ZNF536: variants seen among roughly 807,000 people sequenced by gnomAD.
ZNF536 encodes zinc finger protein 536.
In ZNF536, 13 loss-of-function variants were observed where a neutral mutation model predicts 84.5. The ratio of observed to expected loss-of-function variants is 0.15; its 90% CI spans 0.10 to 0.24. ZNF536 has a LOEUF of 0.24. ZNF536 is among the 10% of genes least tolerant of loss of function. ZNF536 has a pLI of 1.00. For synonymous variants in ZNF536, 811 were observed against 742.5 expected, an observed-to-expected ratio of 1.09 and a Z score of -1.50; for missense variants, 1,536 against 1,747.5, an observed-to-expected ratio of 0.88 and a Z score of 2.16.
At chr19:30,686,643 C>T (rs776629585) in intron 1 of ZNF536, among the ~76,000 whole-genome samples, 13 of 152,166 alleles carry the variant, frequency 8.5e-5, no homozygotes, top group Admixed American at 2.6e-4. Flanking sequence ...GGGAAGGAGC[C>T]CGCCGGCTCC....
intron 1 of ZNF536, among the ~76,000 whole-genome samples, chr19:30,709,324 C>T (rs958283304): frequency 4.6e-5 from 7 of 152,160 alleles, no homozygotes; most frequent in Non-Finnish European, 8.8e-5. Flanking sequence ...CGACAACTTT[C>T]GCTGCTGCCC....
chr19:30,510,825 C>T (rs541571621), intron 2 of ZNF536, among the ~76,000 whole-genome samples: 6 of 152,240 alleles, frequency 3.9e-5, no homozygotes, highest in African/African-American at 1.2e-4. Flanking sequence ...CTTTGAATGC[C>T]GTCACATCAG....
At chr19:30,607,315 T>C (rs1232371795) in intron 1 of ZNF536, among the ~76,000 whole-genome samples, 1 of 152,232 alleles carries the variant, frequency 6.6e-6, no homozygotes, top group African/African-American at 2.4e-5. Context: ...AGGCTTTCTA[T>C]TGACATTTTG....
At chr19:30,359,034 G>A (rs974950313) in intron 3 of ZNF536, among the ~76,000 whole-genome samples, 31 of 152,036 alleles carry the variant, frequency 2.0e-4, no homozygotes, top group African/African-American at 6.5e-4. Context: ...AAAAGGGACC[G>A]CCACTACCAC....
At chr19:30,360,137 C>A (rs2048228642) in intron 3 of ZNF536, among the ~76,000 whole-genome samples, 1 of 152,196 alleles carries the variant, frequency 6.6e-6, no homozygotes. Context: ...CCCCAGATAG[C>A]TGCTGAGCAT....
At chr19:30,536,945 T>G in intron 3 of ZNF536, among the ~76,000 whole-genome samples, 1 of 152,190 alleles carries the variant, frequency 6.6e-6, no homozygotes, top group Middle Eastern at 3.2e-3. Context: ...CCCACCCACA[T>G]GGCAGTGGAC....
At chr19:30,389,461 T>C (rs1244679560) in intron 1 of ZNF536, among the ~76,000 whole-genome samples, 1 of 152,210 alleles carries the variant, frequency 6.6e-6, no homozygotes. Flanking sequence ...TCCTCACCCA[T>C]GGATTTTTAA....
chr19:30,228,899 T>G lies in ZNF536; in HGVS notation c.-190+226T>G, dbSNP rs1457655902. On this transcript the variant is annotated intron_variant, in intron 1 of 5. Transcript: ENST00000585628. The surrounding 1 kb of genome is among the most constrained non-coding windows in gnomAD (Gnocchi z 4.5). Reference sequence around the variant, plus strand: ...GACTTTTCGGGCCAGGTGAAGTGTTTGGGCCACGCGTGTACCTGTGGCGAG... The same window carrying G: ...GACTTTTCGGGCCAGGTGAAGTGTTGGGGCCACGCGTGTACCTGTGGCGAG... Among the ~76,000 whole-genome samples the G allele has an allele frequency of 6.7e-6, 1 of 149,992 alleles. No homozygotes were observed. Among genetic ancestry groups the G allele is most frequent in the Non-Finnish European group, 1.5e-5 (1 of 67,718 alleles).
intron 3 of ZNF536, among the ~76,000 whole-genome samples, chr19:30,537,127 C>T (rs934853807): frequency 3.9e-5 from 6 of 152,220 alleles, no homozygotes; most frequent in Admixed American, 2.6e-4. Context: ...CCAGCTGTGT[C>T]CCCAGCCTAG....
intron 1 of ZNF536, among the ~76,000 whole-genome samples, chr19:30,236,692 A>T (rs2023544584): frequency 6.6e-6 from 1 of 152,200 alleles, no homozygotes; most frequent in South Asian, 2.1e-4. Context: ...CCACCCCAAG[A>T]AGACACAGTG....
chr19:30,475,927 A>C (rs1301762214), intron 2 of ZNF536, among the ~76,000 whole-genome samples: 1 of 152,132 alleles, frequency 6.6e-6, no homozygotes, highest in Non-Finnish European at 1.5e-5. Context: ...TATGAAGCTC[A>C]CCCAGGAACT....
intron 1 of ZNF536, among the ~76,000 whole-genome samples, chr19:30,590,519 T>C (rs534144556): frequency 6.6e-6 from 1 of 152,350 alleles, no homozygotes; most frequent in Admixed American, 6.5e-5. Context: ...TTTCTTTGTG[T>C]TTCACCCTGT....
intron 1 of ZNF536, among the ~76,000 whole-genome samples, chr19:30,375,010 T>C (rs2048757006): frequency 6.6e-6 from 1 of 151,622 alleles, no homozygotes; most frequent in Non-Finnish European, 1.5e-5. Context: ...CGGGCGCGGC[T>C]CTGGGAGCGG....
chr19:30,659,775 G>A (rs1158033295), intron 1 of ZNF536, among the ~76,000 whole-genome samples: 1 of 150,412 alleles, frequency 6.6e-6, no homozygotes, highest in East Asian at 1.9e-4. Flanking sequence ...AATTTGAGGT[G>A]AAATTTGGGT....
At chr19:30,512,047 T>TG (rs1187734159) in intron 2 of ZNF536, among the ~76,000 whole-genome samples, 6 of 152,208 alleles carry the variant, frequency 3.9e-5, no homozygotes, top group Admixed American at 3.3e-4. Context: ...GCAAAGCATA[T>TG]GGCAAAGCTT....
intron 1 of ZNF536, among the ~76,000 whole-genome samples, chr19:30,396,092 C>T (rs1256362464): frequency 6.6e-6 from 1 of 152,194 alleles, no homozygotes; most frequent in Admixed American, 6.6e-5. Flanking sequence ...ACAGAATCTT[C>T]TCCCTGCCCT....
At chr19:30,525,291 A>G (rs2044528148) in intron 2 of ZNF536, among the ~76,000 whole-genome samples, 1 of 151,900 alleles carries the variant, frequency 6.6e-6, no homozygotes, top group South Asian at 2.1e-4. Context: ...TGCGCTGAAC[A>G]CTCTGGAGCA....
At chr19:30,327,925 G>A (rs1366280361) in intron 2 of ZNF536, among the ~76,000 whole-genome samples, 1 of 152,184 alleles carries the variant, frequency 6.6e-6, no homozygotes, top group Non-Finnish European at 1.5e-5. Flanking sequence ...GAATGAGCAG[G>A]CGGGATCAGC....
At chr19:30,232,150 G>T (rs1294024559) in intron 1 of ZNF536, among the ~76,000 whole-genome samples, 3 of 152,092 alleles carry the variant, frequency 2.0e-5, no homozygotes, top group Non-Finnish European at 4.4e-5. Flanking sequence ...CCTGGGGTGG[G>T]CGTGGGGGCC....
Sources: allele counts gnomAD v4.1 joint callset (sites outside exome capture counted in the v4.1 genomes callset), GRCh38; gene constraint gnomAD v4.1.1; non-coding constraint Gnocchi (gnomAD v3.1); transcripts MANE v1.5; gene names NCBI Gene and HGNC (gene_info 2026-07-23, HGNC 2026-07-21).